CNTNAP2: variants seen among roughly 807,000 people sequenced by gnomAD.
CNTNAP2 encodes the protein contactin-associated protein-like 2.
CNTNAP2 carries 98 observed loss-of-function variants against 155.2 expected under a neutral mutation model. That is an observed-to-expected ratio of 0.63 (90% CI 0.54 to 0.75). The LOEUF (loss-of-function observed/expected upper bound fraction) is 0.75, where lower values mean the gene tolerates loss of function less well. Among genes scored for constraint, CNTNAP2 ranks in the 30% least tolerant of loss-of-function variants. The probability of loss-of-function intolerance (pLI) is 0.00; values close to 1 mark genes in which losing one functional copy is unlikely to be tolerated. For missense variants in CNTNAP2, 1,727 were observed against 1,688.1 expected (o/e 1.02, Z -0.40); for synonymous variants, 651 against 631.2 (o/e 1.03, Z -0.47).
At chr7:146,707,412 A>G (rs901097462) in intron 1 of CNTNAP2, among the ~76,000 whole-genome samples, 1 of 152,180 alleles carries the variant, frequency 6.6e-6, no homozygotes, top group Admixed American at 6.5e-5. Flanking sequence ...CATGTTGAAC[A>G]CATTATTTAA....
At chr7:146,952,716 T>C (rs533072966) in intron 3 of CNTNAP2, among the ~76,000 whole-genome samples, 23 of 152,188 alleles carry the variant, frequency 1.5e-4, no homozygotes, top group Admixed American at 1.2e-3. Context: ...GAATACAACT[T>C]ACAAGGGATG....
intron 10 of CNTNAP2, among the ~76,000 whole-genome samples, chr7:147,442,277 A>T (rs999300645): frequency 1.3e-5 from 2 of 152,202 alleles, no homozygotes. Flanking sequence ...GCCTCAGCTC[A>T]TGGCCACTGC....
chr7:147,052,979 C>T (rs1478061029), intron 4 of CNTNAP2, among the ~76,000 whole-genome samples: 2 of 151,994 alleles, frequency 1.3e-5, no homozygotes, highest in Admixed American at 6.6e-5. Flanking sequence ...ATGTAGTATT[C>T]TTTAGTGCTT....
intron 1 of CNTNAP2, among the ~76,000 whole-genome samples, chr7:146,457,515 T>TGA (rs1796574260): frequency 3.0e-5 from 1 of 33,336 alleles, no homozygotes; most frequent in African/African-American, 1.2e-4. Flanking sequence ...TATATATATA[T>TGA]ATATATATAT....
chr7:147,862,041 G>A (rs1014174864), intron 13 of CNTNAP2, among the ~76,000 whole-genome samples: 3 of 148,280 alleles, frequency 2.0e-5, no homozygotes, highest in African/African-American at 4.9e-5. Context: ...ACGAAGGATA[G>A]GAGTTAGTTA....
intron 12 of CNTNAP2, among the ~76,000 whole-genome samples, chr7:147,584,038 G>A (rs1406340862): frequency 6.6e-6 from 1 of 152,144 alleles, no homozygotes; most frequent in East Asian, 1.9e-4. Flanking sequence ...TGCTTTTGTA[G>A]ACAGAGAGAA....
intron 1 of CNTNAP2, among the ~76,000 whole-genome samples, chr7:146,719,736 T>A (rs971172173): frequency 2.0e-5 from 3 of 152,122 alleles, no homozygotes; most frequent in Non-Finnish European, 2.9e-5. Flanking sequence ...TTTTTTTTGA[T>A]GTTATCCTCT....
chr7:146,299,484 A>G (rs1226009910), intron 1 of CNTNAP2, among the ~76,000 whole-genome samples: 3 of 152,262 alleles, frequency 2.0e-5, no homozygotes, highest in South Asian at 2.1e-4. Flanking sequence ...CCTGGGCTCA[A>G]GTAATCCTCC....
chr7:146,861,673 G>T (rs4628184), intron 3 of CNTNAP2, among the ~76,000 whole-genome samples: 66,523 of 151,778 alleles, frequency 0.44, 15,427 homozygotes, highest in African/African-American at 0.59. Context: ...AGTGAGATAG[G>T]TCTACAAACA....
At chr7:146,738,201 C>T (rs762650466) in intron 1 of CNTNAP2, among the ~76,000 whole-genome samples, 1 of 151,828 alleles carries the variant, frequency 6.6e-6, no homozygotes, top group Non-Finnish European at 1.5e-5. Context: ...TGATAATAGC[C>T]ATTCTAACAG....
intron 3 of CNTNAP2, among the ~76,000 whole-genome samples, chr7:146,885,890 G>C (rs562533023): frequency 6.6e-6 from 1 of 151,022 alleles, no homozygotes; most frequent in Non-Finnish European, 1.5e-5. Context: ...AACTTGTCGT[G>C]TTTCATTATG....
chr7:147,137,048 C>T (rs1801496053), intron 8 of CNTNAP2, among the ~76,000 whole-genome samples: 1 of 151,704 alleles, frequency 6.6e-6, no homozygotes. Context: ...GATGTTACTT[C>T]CCTTTGATCC....
chr7:146,335,268 A>G (rs572724833), intron 1 of CNTNAP2, among the ~76,000 whole-genome samples: 1 of 152,204 alleles, frequency 6.6e-6, no homozygotes, highest in African/African-American at 2.4e-5. Context: ...GATGATATAT[A>G]CCGTTTCTAA....
At chr7:147,916,931 C>A (rs114880447) in intron 14 of CNTNAP2, among the ~76,000 whole-genome samples, 1 of 152,176 alleles carries the variant, frequency 6.6e-6, no homozygotes, top group Non-Finnish European at 1.5e-5. Context: ...TAGTTTCCCA[C>A]GTGTAAAACC....
intron 4 of CNTNAP2, among the ~76,000 whole-genome samples, chr7:147,049,133 C>A (rs1799422838): frequency 6.6e-6 from 1 of 152,298 alleles, no homozygotes; most frequent in African/African-American, 2.4e-5. Context: ...CCCTCGTGAC[C>A]TACTCATGTC....
rs187990239 is a variant in CNTNAP2, at chr7:147,622,105, G to A, written c.1898-17001G>A. On this transcript the variant is annotated intron_variant, in intron 12 of 23. Coordinates refer to ENST00000361727, the MANE Select transcript of CNTNAP2 (RefSeq NM_014141.6). ...GGATATAACAGTTTTAAATACATAT[G>A]CATTTAACAGTGGAGTACCGCGATA... Among the ~76,000 whole-genome samples the A allele has an allele frequency of 3.9e-5, 6 of 152,024 alleles. 1 individual carries two copies. The highest frequency in any genetic ancestry group is 6.8e-3 in the Middle Eastern group (2 of 292).
intron 21 of CNTNAP2, among the ~76,000 whole-genome samples, chr7:148,379,962 C>T (rs371232025): frequency 2.2e-4 from 33 of 152,330 alleles, no homozygotes; most frequent in African/African-American, 7.7e-4. Flanking sequence ...AATGGAGTTG[C>T]TGCATTTCCT....
intron 10 of CNTNAP2, among the ~76,000 whole-genome samples, chr7:147,470,903 C>T (rs1328695490): frequency 2.0e-5 from 3 of 151,900 alleles, no homozygotes; most frequent in African/African-American, 4.8e-5. Context: ...AGGTCGAGCT[C>T]GGGGGCACAC....
chr7:148,044,262 C>A (rs1802732491), intron 15 of CNTNAP2, among the ~76,000 whole-genome samples: 1 of 150,234 alleles, frequency 6.7e-6, no homozygotes, highest in African/African-American at 2.5e-5. Context: ...TAGCTCCGAC[C>A]CAAGGGGGTT....
Sources: gnomAD v4.1 joint callset for allele counts (sites outside exome capture counted in the v4.1 genomes callset) on GRCh38, gnomAD v4.1.1 for gene constraint, MANE v1.5 for transcripts, NCBI Gene and HGNC (gene_info 2026-07-23, HGNC 2026-07-21) for gene names.